PCDHGA6: variants seen among roughly 807,000 people sequenced by gnomAD.
PCDHGA6 encodes the protein protocadherin gamma-A6.
A neutral mutation model predicts 60.6 loss-of-function variants in PCDHGA6; 41 were observed. The ratio of observed to expected loss-of-function variants is 0.68; its 90% CI spans 0.53 to 0.88. The LOEUF is 0.88. PCDHGA6 is among the 40% of genes least tolerant of loss of function. PCDHGA6 has a pLI of 0.00. For synonymous variants in PCDHGA6, 594 were observed against 524.4 expected (o/e 1.13, Z -1.81); for missense variants, 1,312 against 1,203.0 (o/e 1.09, Z -1.34).
chr5:141,404,348 G>T lies in PCDHGA6; in HGVS notation c.2424+27841G>T, dbSNP rs370966293. 60 of 1,613,640 alleles carry T rather than the reference G, an allele frequency of 3.7e-5. No individual in the cohort carries two copies. The highest frequency in any genetic ancestry group is 4.9e-5 in the Non-Finnish European group (58 of 1,179,784). ...CTCAGTCTACCTCCCGGAAAACAAC[G>T]CCAGAGGTACTTCCATCTTCTCCGT... On this transcript the variant is annotated intron_variant, in intron 1 of 3. Coordinates refer to ENST00000517434, the MANE Select transcript of PCDHGA6 (RefSeq NM_018919.3).
rs139867523 is a variant in PCDHGA6, at chr5:141,474,274, G to A, written c.2425-20533G>A. 1.2e-4 allele frequency among the ~76,000 whole-genome samples: 19 copies of A among 152,278 alleles called. No homozygotes were observed. In the East Asian group the frequency reaches 3.3e-3, roughly 26 times the overall value. On this transcript the variant is annotated intron_variant, in intron 1 of 3. Coordinates refer to ENST00000517434, the MANE Select transcript of PCDHGA6 (RefSeq NM_018919.3). ...AAGACTGATAAACCAGTGTATCTCT[G>A]AATAACCCACTAGATCAGTGCTTGT...
rs1452714844 is a variant in PCDHGA6, at chr5:141,389,265, G to A, written c.2424+12758G>A. ...GTCTTCCTATATAGTCCACGTGGCC[G>A]AGAACAACCCGCCTGGAGCCTCTAT... On this transcript the variant is annotated intron_variant, in intron 1 of 3. Transcript: ENST00000517434. 3.7e-6 allele frequency: 6 copies of A among 1,613,886 alleles called. No homozygotes were observed. The highest frequency in any genetic ancestry group is 4.5e-5 in the East Asian group (2 of 44,886).
chr5:141,460,726 A>G lies in PCDHGA6; in HGVS notation c.2425-34081A>G, dbSNP rs545089217. ...GAGAATAAACTATTGTTATAAGCAT[A>G]TATACACATTGTATATATATGTGTA... On this transcript the variant is annotated intron_variant, in intron 1 of 3. Coordinates refer to ENST00000517434, the MANE Select transcript of PCDHGA6 (RefSeq NM_018919.3). Among the ~76,000 whole-genome samples the G allele has an allele frequency of 6.6e-5, 10 of 152,252 alleles. No homozygotes were observed. In the East Asian group the frequency reaches 1.9e-3, roughly 29 times the overall value.
At position 141,477,386 on chromosome 5, in the gene PCDHGA6, A is replaced by C; in HGVS notation, c.2425-17421A>C. 1 of 1,614,116 alleles carries C rather than the reference A, an allele frequency of 6.2e-7. No homozygotes were observed. Among genetic ancestry groups the C allele is most frequent in the South Asian group, 1.1e-5 (1 of 91,080 alleles). On this transcript the variant is annotated intron_variant, in intron 1 of 3. Coordinates refer to ENST00000517434, the MANE Select transcript of PCDHGA6 (RefSeq NM_018919.3). The surrounding 1 kb of genome is among the most constrained non-coding windows in gnomAD (Gnocchi z 4.9). ...GGATCGGGAGACTGTGCCAGAATAC[A>C]ACCTCAGCATCACCGCCCGAGACGC...
intron 1 of PCDHGA6, chr5:141,396,761 A>G (rs2093430785): frequency 6.6e-6 from 1 of 152,352 alleles, no homozygotes; most frequent in African/African-American, 2.4e-5. Context: ...GACCCAATAA[A>G]TGTTTGTTAT....
Position 141,431,349 on chromosome 5 carries a change from A to G in PCDHGA6, c.2424+54842A>G. 1.2e-6 allele frequency: 2 copies of G among 1,614,026 alleles called. No individual in the cohort carries two copies. The highest frequency in any genetic ancestry group is 4.5e-5 in the East Asian group (2 of 44,874). On this transcript the variant is annotated intron_variant, in intron 1 of 3. Coordinates refer to ENST00000517434, the MANE Select transcript of PCDHGA6 (RefSeq NM_018919.3). This position sits in a 1 kb window ranked among gnomAD's most constrained non-coding sequence, Gnocchi z 4.8. ...AGTAAGTACCCCGAATTGGTGCTGAAACGCGCCCTGGACCGCGAAGAAAAG... is the reference window on the plus strand; with the variant it reads ...AGTAAGTACCCCGAATTGGTGCTGAGACGCGCCCTGGACCGCGAAGAAAAG...
intron 1 of PCDHGA6, chr5:141,409,794 C>T (rs1345529657): frequency 1.9e-6 from 3 of 1,611,732 alleles, no homozygotes; most frequent in South Asian, 1.1e-5. Flanking sequence ...TTCGCGCTCA[C>T]GCTGCAGGCC....
chr5:141,477,898 AG>A lies in PCDHGA6; in HGVS notation c.2425-16907del. The stretch of plus-strand genomic sequence containing the variant: ...CTGGCCACCTAGTGTCACGGGTGGT[AG>A]GCTGGGACGCGGATGCAGGGCACAA... On this transcript the variant is annotated intron_variant, in intron 1 of 3. Coordinates refer to ENST00000517434, the MANE Select transcript of PCDHGA6 (RefSeq NM_018919.3). The surrounding 1 kb of genome is among the most constrained non-coding windows in gnomAD (Gnocchi z 4.9). The A allele has an allele frequency of 6.2e-7, 1 of 1,614,158 alleles. No individual in the cohort carries two copies. Among genetic ancestry groups the A allele is most frequent in the Non-Finnish European group, 8.5e-7 (1 of 1,180,036 alleles).
intron 1 of PCDHGA6, chr5:141,421,126 T>G: frequency 1.2e-6 from 1 of 805,588 alleles, no homozygotes; most frequent in Non-Finnish European, 1.9e-6. Context: ...CTTCGCTTTC[T>G]GATATATTTT....
intron 1 of PCDHGA6, chr5:141,414,898 G>T: frequency 6.2e-7 from 1 of 1,614,190 alleles, no homozygotes; most frequent in East Asian, 2.2e-5. Context: ...CCCCACAGAC[G>T]GTTCCACAGG....
At chr5:141,398,829 C>A in intron 1 of PCDHGA6, 2 of 1,613,994 alleles carry the variant, frequency 1.2e-6, no homozygotes, top group East Asian at 2.2e-5. Flanking sequence ...AGGTAACCGA[C>A]GCCAATGATA....
At chr5:141,423,773 T>A in intron 1 of PCDHGA6, 6 of 901,238 alleles carry the variant, frequency 6.7e-6, no homozygotes, top group Non-Finnish European at 7.3e-6. Flanking sequence ...GGGCGGCATA[T>A]ATTTAGTTCA....
intron 1 of PCDHGA6, chr5:141,415,469 C>T (rs1247738517): frequency 1.9e-6 from 3 of 1,614,208 alleles, no homozygotes; most frequent in South Asian, 2.2e-5. Flanking sequence ...TCTCTCACCG[C>T]GGACTCGCGA....
chr5:141,485,174 A>G lies in PCDHGA6; in HGVS notation c.2425-9633A>G. 6.2e-7 allele frequency: 1 copy of G among 1,611,406 alleles called. No individual in the cohort carries two copies. The highest frequency in any genetic ancestry group is 8.5e-7 in the Non-Finnish European group (1 of 1,177,898). ...AGTAGAGAATTAGCGGGCGGCAGCA[A>G]TGCTCCGCAAGGTGAGAAGCTGGAC... On this transcript the variant is annotated intron_variant, in intron 1 of 3. Coordinates refer to ENST00000517434, the MANE Select transcript of PCDHGA6 (RefSeq NM_018919.3). The surrounding 1 kb of genome is among the most constrained non-coding windows in gnomAD (Gnocchi z 5.7).
At chr5:141,461,603 G>A (rs1413122199) in intron 1 of PCDHGA6, among the ~76,000 whole-genome samples, 8 of 152,092 alleles carry the variant, frequency 5.3e-5, no homozygotes, top group African/African-American at 1.9e-4. Context: ...TTATAATTTA[G>A]TTCAAAGTAT....
rs147057088 is a variant in PCDHGA6 at position 141,432,065 on chromosome 5, A to C, written c.2424+55558A>C. 6.2e-7 allele frequency: 1 copy of C among 1,613,930 alleles called. No individual in the cohort carries two copies. Among genetic ancestry groups the C allele is most frequent in the Non-Finnish European group, 8.5e-7 (1 of 1,180,014 alleles). On this transcript the variant is annotated intron_variant, in intron 1 of 3. Coordinates refer to ENST00000517434, the MANE Select transcript of PCDHGA6 (RefSeq NM_018919.3). This position sits in a 1 kb window ranked among gnomAD's most constrained non-coding sequence, Gnocchi z 6.0. ...GGGAACCCCGCCCCTATCCACGGAA[A>C]CTCATATCTCGCTGAACGTGGCAGA...
Position 141,431,075 on chromosome 5 carries a change from C to G in PCDHGA6, c.2424+54568C>G. ...GGGGGCCATCAAGTGTCAATTAAAT[C>G]TAGACATTCTGATGGAGGATAAAGT... is the stretch of plus-strand genomic sequence containing the variant. On this transcript the variant is annotated intron_variant, in intron 1 of 3. Coordinates refer to ENST00000517434, the MANE Select transcript of PCDHGA6 (RefSeq NM_018919.3). The surrounding 1 kb of genome is among the most constrained non-coding windows in gnomAD (Gnocchi z 4.8). 1 of 1,614,156 alleles carries G rather than the reference C, an allele frequency of 6.2e-7. No homozygotes were observed. Among genetic ancestry groups the G allele is most frequent in the Non-Finnish European group, 8.5e-7 (1 of 1,179,984 alleles).
chr5:141,486,322 A>G lies in PCDHGA6; in HGVS notation c.2425-8485A>G. The G allele has an allele frequency of 1.9e-6, 3 of 1,613,926 alleles. No homozygotes were observed. The highest frequency in any genetic ancestry group is 2.5e-6 in the Non-Finnish European group (3 of 1,179,962). On this transcript the variant is annotated intron_variant, in intron 1 of 3. Coordinates refer to ENST00000517434, the MANE Select transcript of PCDHGA6 (RefSeq NM_018919.3). This position sits in a 1 kb window ranked among gnomAD's most constrained non-coding sequence, Gnocchi z 5.0. ...AGGATCCAGACTCAGGGTCAAACGG[A>G]GATGTGAGCCTCCGCATTCCTGACC...
At chr5:141,460,456 T>C (rs2098989632) in intron 1 of PCDHGA6, among the ~76,000 whole-genome samples, 1 of 152,124 alleles carries the variant, frequency 6.6e-6, no homozygotes, top group South Asian at 2.1e-4. Flanking sequence ...AAGATTCATA[T>C]TTTTTTCCAA....
Sources: gnomAD v4.1 joint callset for allele counts (sites outside exome capture counted in the v4.1 genomes callset) on GRCh38, gnomAD v4.1.1 for gene constraint, Gnocchi (gnomAD v3.1) non-coding constraint, MANE v1.5 for transcripts, NCBI Gene and HGNC (gene_info 2026-07-23, HGNC 2026-07-21) for gene names.